The following FRMPD4 variants were observed in gnomAD, a reference collection of about 807,000 sequenced individuals.
FRMPD4 encodes the protein FERM and PDZ domain containing 4.
A neutral mutation model predicts 94.1 loss-of-function variants in FRMPD4; 22 were observed. The ratio of observed to expected loss-of-function variants is 0.23; its 90% CI spans 0.17 to 0.33. The LOEUF (loss-of-function observed/expected upper bound fraction) is 0.33, where lower values mean the gene tolerates loss of function less well. Among genes scored for constraint, FRMPD4 ranks in the 10% least tolerant of loss-of-function variants. The probability of loss-of-function intolerance (pLI) is 1.00; values close to 1 mark genes in which losing one functional copy is unlikely to be tolerated. For missense variants in FRMPD4, 1,111 were observed against 1,339.9 expected (o/e 0.83, Z 2.67); for synonymous variants, 631 against 548.6 (o/e 1.15, Z -2.10).
intron 1 of FRMPD4, among the ~76,000 whole-genome samples, chrX:12,350,879 T>C (rs1030126548): frequency 8.9e-6 from 1 of 112,619 alleles, no homozygotes; most frequent in Non-Finnish European, 1.9e-5. Context: ...TGCTTGCCTA[T>C]AATGTGTGAT....
At chrX:11,851,781 AT>A (rs966714876) in intron 1 of FRMPD4, among the ~76,000 whole-genome samples, 11 of 111,301 alleles carry the variant, frequency 9.9e-5, no homozygotes, top group Non-Finnish European at 1.5e-4. Flanking sequence ...TAAGAAATGA[AT>A]TTTTAATTTT....
chrX:12,491,049 A>G (rs1473977116), intron 1 of FRMPD4, among the ~76,000 whole-genome samples: 3 of 110,821 alleles, frequency 2.7e-5, no homozygotes, highest in African/African-American at 9.9e-5. Context: ...ACTCTGGGCA[A>G]TATATGGCAA....
At chrX:12,585,948 T>G (rs962760617) in intron 2 of FRMPD4, among the ~76,000 whole-genome samples, 4 of 112,874 alleles carry the variant, frequency 3.5e-5, no homozygotes, top group Non-Finnish European at 5.6e-5. Flanking sequence ...AGGAATAATA[T>G]ATGTATAGTG....
At chrX:12,108,695 C>T (rs2055324508) in intron 3 of FRMPD4, among the ~76,000 whole-genome samples, 1 of 111,518 alleles carries the variant, frequency 9.0e-6, no homozygotes, top group Non-Finnish European at 1.9e-5. Flanking sequence ...TGTGCAGAGA[C>T]ACACATAGGC....
At chrX:12,060,598 AG>A (rs1168766691) in intron 3 of FRMPD4, among the ~76,000 whole-genome samples, 2 of 111,258 alleles carry the variant, frequency 1.8e-5, no homozygotes, top group Non-Finnish European at 3.8e-5. Flanking sequence ...TTTATGTAAA[AG>A]TTAGTGCTGA....
At chrX:12,369,227 A>G (rs1048519610) in intron 1 of FRMPD4, among the ~76,000 whole-genome samples, 36 of 110,069 alleles carry the variant, frequency 3.3e-4, no homozygotes, top group African/African-American at 1.1e-3. Flanking sequence ...TTTTAAAATT[A>G]AAATAAACTC....
chrX:12,585,773 G>T (rs780401012), intron 2 of FRMPD4, among the ~76,000 whole-genome samples: 1 of 112,146 alleles, frequency 8.9e-6, no homozygotes, highest in East Asian at 2.8e-4. Context: ...TGTGCTGTAA[G>T]TGTAAACTAC....
At chrX:12,241,228 T>A (rs896128457) in intron 1 of FRMPD4, among the ~76,000 whole-genome samples, 1 of 112,254 alleles carries the variant, frequency 8.9e-6, no homozygotes, top group African/African-American at 3.2e-5. Flanking sequence ...TTTATCTGTT[T>A]TGGCTTAAAA....
At chrX:12,115,018 T>G (rs2055396734) in intron 3 of FRMPD4, among the ~76,000 whole-genome samples, 1 of 111,791 alleles carries the variant, frequency 8.9e-6, no homozygotes. Flanking sequence ...CTAAAGCCAG[T>G]CTTGAATACA....
At chrX:12,528,513 G>T (rs1255931101) in intron 2 of FRMPD4, among the ~76,000 whole-genome samples, 3 of 108,928 alleles carry the variant, frequency 2.8e-5, no homozygotes, top group African/African-American at 1.0e-4. Flanking sequence ...TAGAGACAGG[G>T]TTTCACCACG....
intron 1 of FRMPD4, among the ~76,000 whole-genome samples, chrX:12,282,781 C>G (rs2054545775): frequency 8.9e-6 from 1 of 111,751 alleles, no homozygotes; most frequent in African/African-American, 3.3e-5. Flanking sequence ...TTGCCTTGGC[C>G]AGTCAGCCAC....
At chrX:12,624,993 T>A (rs1320009789) in intron 4 of FRMPD4, among the ~76,000 whole-genome samples, 2 of 111,892 alleles carry the variant, frequency 1.8e-5, no homozygotes, top group African/African-American at 6.5e-5. Context: ...TAGACATTTA[T>A]CAAAAGAAGG....
chrX:12,715,237 A>G (rs2042057246), intron 14 of FRMPD4, among the ~76,000 whole-genome samples: 1 of 112,602 alleles, frequency 8.9e-6, no homozygotes, highest in Non-Finnish European at 1.9e-5. Context: ...AAGAGCAAAC[A>G]AAATAATAGT....
chrX:12,487,275 G>A (rs966353044), intron 1 of FRMPD4, among the ~76,000 whole-genome samples: 1 of 111,863 alleles, frequency 8.9e-6, no homozygotes, highest in African/African-American at 3.2e-5. Flanking sequence ...CTTTCAGGGC[G>A]GGGACTTGTC....
chrX:12,231,059 A>AG (rs2057001392), intron 1 of FRMPD4, among the ~76,000 whole-genome samples: 1 of 69,205 alleles, frequency 1.4e-5, no homozygotes, highest in Non-Finnish European at 2.6e-5. Context: ...AAATATATAT[A>AG]TATATATATA....
At chrX:12,089,317 A>G (rs1466480189) in intron 3 of FRMPD4, among the ~76,000 whole-genome samples, 2 of 112,117 alleles carry the variant, frequency 1.8e-5, no homozygotes, top group Admixed American at 1.9e-4. Flanking sequence ...AGAGTAAACC[A>G]AGGAGTGGAA....
intron 2 of FRMPD4, among the ~76,000 whole-genome samples, chrX:12,531,263 C>T (rs1433102203): frequency 1.8e-5 from 2 of 112,196 alleles, no homozygotes; most frequent in African/African-American, 6.5e-5. Flanking sequence ...AAATGTTATG[C>T]AAAGTCTGGC....
At chrX:12,290,150 A>G (rs2054663545) in intron 1 of FRMPD4, among the ~76,000 whole-genome samples, 1 of 111,492 alleles carries the variant, frequency 9.0e-6, no homozygotes, top group African/African-American at 3.3e-5. Flanking sequence ...AGGGAAAACA[A>G]GTGGATTTCT....
chrX:12,724,306 T>G lies in FRMPD4; in HGVS notation c.*2448T>G, dbSNP rs998751431. The G allele has an allele frequency of 9.0e-5, 10 of 111,583 alleles. No homozygotes were observed. Among genetic ancestry groups the G allele is most frequent in the Admixed American group, 4.8e-4 (5 of 10,499 alleles). The allele number at this position is 111,583 out of a possible 1,213,427, so 9.2% of individuals were successfully genotyped here. A position where few individuals can be genotyped will look rare whatever the true frequency, so the allele number is the denominator to read the frequency against. Reference sequence around the variant, plus strand: ...TTTCTGTTTCTTATAAATAAACTCTTTGCTATTCAGAAAACCTCAAGGGGC... The same window carrying G: ...TTTCTGTTTCTTATAAATAAACTCTGTGCTATTCAGAAAACCTCAAGGGGC... On this transcript the variant is annotated 3_prime_UTR_variant, in exon 17 of 17. Coordinates refer to ENST00000675598, the MANE Select transcript of FRMPD4 (RefSeq NM_001368397.1).
Sources: allele counts gnomAD v4.1 joint callset (sites outside exome capture counted in the v4.1 genomes callset), GRCh38; gene constraint gnomAD v4.1.1; transcripts MANE v1.5; gene names NCBI Gene and HGNC (gene_info 2026-07-23, HGNC 2026-07-21).